Variants in DGKB observed in about 807,000 individuals in gnomAD.
DGKB encodes diacylglycerol kinase beta, also known as 90 kDa diacylglycerol kinase.
In DGKB, 67 loss-of-function variants were observed where a neutral mutation model predicts 114.3. That is an observed-to-expected ratio of 0.59 (90% CI 0.48 to 0.72). The LOEUF (loss-of-function observed/expected upper bound fraction) is 0.72. Among genes scored for constraint, DGKB ranks in the 30% least tolerant of loss-of-function variants. The pLI is 0.00. For synonymous variants in DGKB, 398 were observed against 323.1 expected (o/e 1.23, Z -2.49); for missense variants, 907 against 975.2 (o/e 0.93, Z 0.93).
intron 1 of DGKB, among the ~76,000 whole-genome samples, chr7:14,849,892 C>T (rs1017734748): frequency 6.6e-6 from 1 of 152,082 alleles, no homozygotes; most frequent in African/African-American, 2.4e-5. Flanking sequence ...CACTATCCAT[C>T]ACATATGGGG....
intron 13 of DGKB, among the ~76,000 whole-genome samples, chr7:14,661,432 C>A (rs1200180668): frequency 1.5e-5 from 2 of 137,648 alleles, no homozygotes; most frequent in Non-Finnish European, 3.2e-5. Context: ...GACATTTATG[C>A]AGCCAAAAAA....
intron 6 of DGKB, among the ~76,000 whole-genome samples, chr7:14,702,266 G>C (rs550088132): frequency 6.6e-6 from 1 of 152,192 alleles, no homozygotes; most frequent in Admixed American, 6.5e-5. Context: ...GTAAGCCATA[G>C]ATCATGATAC....
intron 25 of DGKB, among the ~76,000 whole-genome samples, chr7:14,169,359 C>A (rs868492058): frequency 9.2e-6 from 1 of 108,866 alleles, no homozygotes; most frequent in Non-Finnish European, 2.1e-5. Flanking sequence ...AGCGAGACTC[C>A]GTCTCAAAAA....
At chr7:14,542,184 CATTATT>C (rs1289368874) in intron 20 of DGKB, among the ~76,000 whole-genome samples, 3 of 151,716 alleles carry the variant, frequency 2.0e-5, no homozygotes, top group African/African-American at 7.3e-5. Context: ...TATTTATTAT[CATTATT>C]ATTATTATTT....
chr7:14,597,623 T>C (rs1385194363), intron 17 of DGKB, among the ~76,000 whole-genome samples: 1 of 152,162 alleles, frequency 6.6e-6, no homozygotes, highest in Admixed American at 6.6e-5. Context: ...ATTTTCATGC[T>C]CCTTGAGTTG....
intron 13 of DGKB, among the ~76,000 whole-genome samples, chr7:14,630,767 A>G (rs1809527761): frequency 1.3e-5 from 2 of 152,070 alleles, no homozygotes; most frequent in African/African-American, 4.8e-5. Context: ...AATAAAAACT[A>G]TAATTAAATA....
chr7:14,625,000 T>C (rs1482448300), intron 14 of DGKB, among the ~76,000 whole-genome samples: 2 of 151,872 alleles, frequency 1.3e-5, no homozygotes, highest in Non-Finnish European at 2.9e-5. Flanking sequence ...TCTGTCTCAA[T>C]AAATAAATAA....
chr7:14,841,774 G>C (rs796386131), intron 1 of DGKB, among the ~76,000 whole-genome samples: 30 of 152,270 alleles, frequency 2.0e-4, no homozygotes, highest in African/African-American at 7.2e-4. Flanking sequence ...CATATGATTT[G>C]CTAGTTTACA....
At chr7:14,211,190 C>G (rs1172660806) in intron 23 of DGKB, among the ~76,000 whole-genome samples, 2 of 152,062 alleles carry the variant, frequency 1.3e-5, no homozygotes, top group African/African-American at 4.8e-5. Context: ...CTTCACGCTG[C>G]TAAAATCAAA....
At chr7:14,958,086 T>C (rs1408988822) in intron 1 of DGKB, among the ~76,000 whole-genome samples, 1 of 152,028 alleles carries the variant, frequency 6.6e-6, no homozygotes, top group Non-Finnish European at 1.5e-5. Context: ...CTTATACAAA[T>C]TCTAGATTGT....
intron 20 of DGKB, among the ~76,000 whole-genome samples, chr7:14,564,375 G>A (rs750871405): frequency 1.3e-5 from 2 of 152,114 alleles, no homozygotes; most frequent in Non-Finnish European, 2.9e-5. Context: ...GCCTGGGCCT[G>A]GTCTTCAGTG....
At chr7:14,961,109 A>C (rs1453260711) in intron 1 of DGKB, among the ~76,000 whole-genome samples, 9 of 152,134 alleles carry the variant, frequency 5.9e-5, no homozygotes, top group African/African-American at 2.2e-4. Flanking sequence ...AGAGCCTTCC[A>C]TTCCATCCAT....
At chr7:14,884,207 A>G (rs1232481948) in intron 1 of DGKB, among the ~76,000 whole-genome samples, 2 of 151,994 alleles carry the variant, frequency 1.3e-5, no homozygotes, top group African/African-American at 2.4e-5. Context: ...ATAAAACTTT[A>G]TTTACAAATA....
chr7:14,829,786 T>C (rs1351568271), intron 2 of DGKB, among the ~76,000 whole-genome samples: 1 of 152,118 alleles, frequency 6.6e-6, no homozygotes, highest in Non-Finnish European at 1.5e-5. Flanking sequence ...ATGCCTTCAC[T>C]AGAAAGCAGC....
chr7:14,845,573 T>C (rs974971977), intron 1 of DGKB, among the ~76,000 whole-genome samples: 2 of 152,198 alleles, frequency 1.3e-5, no homozygotes, highest in African/African-American at 4.8e-5. Context: ...GGAATTTTTG[T>C]TCATTTGTTC....
intron 20 of DGKB, among the ~76,000 whole-genome samples, chr7:14,567,408 T>TA (rs1554517576): frequency 4.6e-5 from 2 of 43,492 alleles, no homozygotes; most frequent in Non-Finnish European, 7.4e-5. Flanking sequence ...ATATTATATA[T>TA]ATTATATATT....
chr7:14,879,078 G>A (rs1459290737), intron 1 of DGKB, among the ~76,000 whole-genome samples: 1 of 151,790 alleles, frequency 6.6e-6, no homozygotes, highest in Non-Finnish European at 1.5e-5. Context: ...ACTAGACAGA[G>A]GAAAATGTCA....
At chr7:14,825,054 A>ATATATATATC (rs1264846658) in intron 2 of DGKB, among the ~76,000 whole-genome samples, 2 of 134,362 alleles carry the variant, frequency 1.5e-5, no homozygotes, top group African/African-American at 5.7e-5. Flanking sequence ...ATATATATAT[A>ATATATATATC]TATCACATGT....
chr7:14,158,803 T>C (rs1783430722), intron 25 of DGKB, among the ~76,000 whole-genome samples: 1 of 152,188 alleles, frequency 6.6e-6, no homozygotes, highest in Non-Finnish European at 1.5e-5. Context: ...TATTGTTTCA[T>C]CATTTATTCA....
Sources: gnomAD v4.1 joint callset for allele counts (sites outside exome capture counted in the v4.1 genomes callset) on GRCh38, gnomAD v4.1.1 for gene constraint, MANE v1.5 for transcripts, NCBI Gene and HGNC (gene_info 2026-07-23, HGNC 2026-07-21) for gene names.